Variants in LIMS1 observed in about 807,000 individuals in gnomAD.
LIMS1 encodes the protein LIM and senescent cell antigen-like-containing domain protein 1.
A neutral mutation model predicts 44.1 loss-of-function variants in LIMS1; 18 were observed. The observed-to-expected ratio is 0.41, with a 90% confidence interval of 0.28 to 0.61. The LOEUF (loss-of-function observed/expected upper bound fraction) is 0.61, where lower values mean the gene tolerates loss of function less well. Among genes scored for constraint, LIMS1 ranks in the 20% least tolerant of loss-of-function variants. The pLI is 0.32. For synonymous variants in LIMS1, 93 were observed against 149.1 expected, an observed-to-expected ratio of 0.62 and a Z score of 2.74; for missense variants, 201 against 422.0, an observed-to-expected ratio of 0.48 and a Z score of 4.59.
intron 1 of LIMS1, among the ~76,000 whole-genome samples, chr2:108,637,383 G>A (rs905885857): frequency 1.4e-4 from 21 of 152,078 alleles, no homozygotes; most frequent in Non-Finnish European, 2.6e-4. Context: ...AGTAAACCCC[G>A]TGTTAAGCTT....
chr2:108,638,279 C>T (rs931108027), intron 1 of LIMS1, among the ~76,000 whole-genome samples: 1 of 152,212 alleles, frequency 6.6e-6, no homozygotes, highest in African/African-American at 2.4e-5. Context: ...AGGAAAGTTA[C>T]GCCAAAGGCA....
chr2:108,681,688 G>A, intron 9 of LIMS1: 1 of 634,024 alleles, frequency 1.6e-6, no homozygotes, highest in South Asian at 7.1e-5. Flanking sequence ...TAGGAAGGCA[G>A]AGTGGAAGGA....
At chr2:108,637,095 A>ATG (rs1491274223) in intron 1 of LIMS1, among the ~76,000 whole-genome samples, 4 of 81,436 alleles carry the variant, frequency 4.9e-5, no homozygotes, top group Admixed American at 1.8e-4. Context: ...CAAAATATAC[A>ATG]TATATGTGTG....
intron 3 of LIMS1, among the ~76,000 whole-genome samples, chr2:108,671,171 G>A (rs1178595684): frequency 1.3e-5 from 2 of 151,560 alleles, no homozygotes; most frequent in Non-Finnish European, 2.9e-5. Flanking sequence ...TCCATCTTGC[G>A]GGGAAAAAAA....
At chr2:108,625,582 C>T (rs1195903317) in intron 1 of LIMS1, among the ~76,000 whole-genome samples, 2 of 151,526 alleles carry the variant, frequency 1.3e-5, no homozygotes, top group Non-Finnish European at 2.9e-5. Context: ...ATGAATCCCC[C>T]CCCCCAAAAA....
chr2:108,616,484 C>A lies in LIMS1; in HGVS notation c.33-43121C>A, dbSNP rs181367821. Among the ~76,000 whole-genome samples, 7 of 152,266 alleles carry A rather than the reference C, an allele frequency of 4.6e-5. No individual in the cohort carries two copies. In the East Asian group the frequency reaches 1.2e-3, roughly 25 times the overall value. On this transcript the variant is annotated intron_variant, in intron 1 of 9. Transcript: ENST00000544547. ...CCTCGGCCTCCCACATTGCTGGGAT[C>A]CCAGGCGTGAGCCACCACACTGGCC...
intron 1 of LIMS1, among the ~76,000 whole-genome samples, chr2:108,585,982 A>G (rs1339245477): frequency 6.6e-6 from 1 of 152,158 alleles, no homozygotes; most frequent in East Asian, 1.9e-4. Flanking sequence ...TCATGAGGTC[A>G]GGAGATCGAG....
At chr2:108,611,773 G>A (rs1049327362) in intron 1 of LIMS1, among the ~76,000 whole-genome samples, 1 of 150,216 alleles carries the variant, frequency 6.7e-6, no homozygotes, top group Non-Finnish European at 1.5e-5. Flanking sequence ...CAGCTACTAG[G>A]AGGCTGAGGT....
At chr2:108,683,427 A>G (rs1049932359) in intron 9 of LIMS1, among the ~76,000 whole-genome samples, 6 of 151,590 alleles carry the variant, frequency 4.0e-5, no homozygotes, top group Non-Finnish European at 7.4e-5. Flanking sequence ...CTTGTGTCCC[A>G]GCTATTCAGG....
At chr2:108,630,978 A>G (rs572356499) in intron 1 of LIMS1, among the ~76,000 whole-genome samples, 31 of 152,340 alleles carry the variant, frequency 2.0e-4, no homozygotes, top group Non-Finnish European at 3.5e-4. Context: ...GAACATCTCA[A>G]GTTACTGCTT....
chr2:108,625,666 T>A (rs1251423423), intron 1 of LIMS1, among the ~76,000 whole-genome samples: 1 of 151,882 alleles, frequency 6.6e-6, no homozygotes, highest in Non-Finnish European at 1.5e-5. Context: ...ACAGCAGCAG[T>A]GAGCTCTTCG....
intron 1 of LIMS1, among the ~76,000 whole-genome samples, chr2:108,554,644 C>T (rs565078002): frequency 6.6e-6 from 1 of 152,292 alleles, no homozygotes; most frequent in East Asian, 1.9e-4. Context: ...GTCACCTGCA[C>T]TATTCAATAT....
intron 1 of LIMS1, among the ~76,000 whole-genome samples, chr2:108,584,220 T>C (rs1686005575): frequency 6.6e-6 from 1 of 152,226 alleles, no homozygotes; most frequent in Admixed American, 6.5e-5. Context: ...AAGCACTTGC[T>C]GTGCACTGTG....
intron 1 of LIMS1, among the ~76,000 whole-genome samples, chr2:108,557,307 G>A (rs1684958724): frequency 6.6e-6 from 1 of 152,036 alleles, no homozygotes; most frequent in Admixed American, 6.6e-5. Context: ...GAACTCCTGG[G>A]CTCAAGTGTT....
At chr2:108,555,756 A>G (rs1157952334) in intron 1 of LIMS1, among the ~76,000 whole-genome samples, 1 of 152,190 alleles carries the variant, frequency 6.6e-6, no homozygotes, top group Non-Finnish European at 1.5e-5. Flanking sequence ...GCAGGCTTGC[A>G]CTCAGAAGTG....
At chr2:108,660,213 C>G (rs1691257847) in intron 2 of LIMS1, 3 of 475,132 alleles carry the variant, frequency 6.3e-6, no homozygotes, top group Admixed American at 2.3e-5. Context: ...TCCACAACTT[C>G]CCAGCCTCGA....
intron 1 of LIMS1, among the ~76,000 whole-genome samples, chr2:108,599,655 G>C (rs573500410): frequency 7.2e-5 from 11 of 152,186 alleles, no homozygotes; most frequent in Admixed American, 3.3e-4. Context: ...AGGGTACAAG[G>C]GTTCCCTTTT....
intron 1 of LIMS1, chr2:108,621,430 A>G (rs1386273200): frequency 5.8e-6 from 9 of 1,551,068 alleles, no homozygotes; most frequent in Admixed American, 2.0e-5. Flanking sequence ...CGATAGTTTG[A>G]GAGTAAATGG....
chr2:108,560,444 G>A (rs1685073134), intron 1 of LIMS1, among the ~76,000 whole-genome samples: 1 of 151,720 alleles, frequency 6.6e-6, no homozygotes, highest in Non-Finnish European at 1.5e-5. Context: ...CTTTATCCAC[G>A]TCTGTCCCCT....
Sources: allele counts gnomAD v4.1 joint callset (sites outside exome capture counted in the v4.1 genomes callset), GRCh38; gene constraint gnomAD v4.1.1; transcripts MANE v1.5; gene names NCBI Gene and HGNC (gene_info 2026-07-23, HGNC 2026-07-21).